TTC39A: variants seen among roughly 807,000 people sequenced by gnomAD.
TTC39A encodes the protein tetratricopeptide repeat protein 39A.
Under a neutral mutation model 82.3 loss-of-function variants are expected in TTC39A, and 46 were observed. The observed-to-expected ratio is 0.56, with a 90% CI of 0.44 to 0.71. TTC39A has a LOEUF of 0.71. Ranked by LOEUF, TTC39A falls within the 30% of genes least tolerant of loss-of-function variation. The probability of loss-of-function intolerance (pLI) is 0.00; values close to 1 mark genes in which losing one functional copy is unlikely to be tolerated. For synonymous variants in TTC39A, 254 were observed against 275.2 expected, an observed-to-expected ratio of 0.92 and a Z score of 0.76; for missense variants, 543 against 712.9, an observed-to-expected ratio of 0.76 and a Z score of 2.71.
At chr1:51,339,380 C>T (rs1028500640) in intron 1 of TTC39A, among the ~76,000 whole-genome samples, 3 of 152,218 alleles carry the variant, frequency 2.0e-5, no homozygotes, top group Non-Finnish European at 4.4e-5. Flanking sequence ...TTCCGCACTG[C>T]TGATCACCTG....
At chr1:51,343,132 T>A in intron 1 of TTC39A, 3 of 448,954 alleles carry the variant, frequency 6.7e-6, no homozygotes, top group Non-Finnish European at 1.4e-5. Context: ...TCAGAAATCA[T>A]CCCATGTCCT....
intron 6 of TTC39A, among the ~76,000 whole-genome samples, chr1:51,306,419 A>G (rs1159051080): frequency 6.6e-6 from 1 of 152,048 alleles, no homozygotes; most frequent in East Asian, 1.9e-4. Context: ...GTGGCAGGGG[A>G]GCTGTTCTGT....
rs372846675 is a variant in TTC39A, at chr1:51,293,389, AAT to A, written c.1266+1000_1266+1001del. ...GCCTATGGTATATTTTAAACCATAA[AAT>A]ATTTTAAAACTTTAGAAATATTCAG... On this transcript the variant is annotated intron_variant, in intron 14 of 17. Coordinates refer to ENST00000680483, the MANE Select transcript of TTC39A (RefSeq NM_001297663.2). Among the ~76,000 whole-genome samples the A allele has an allele frequency of 2.0e-3, 311 of 152,302 alleles. 3 individuals carry two copies. Among genetic ancestry groups the A allele is most frequent in the African/African-American group, 7.2e-3 (301 of 41,566 alleles).
chr1:51,306,206 C>G (rs964805975), intron 6 of TTC39A, 130 bp from the exon 7 acceptor site: 3 of 695,392 alleles, frequency 4.3e-6, no homozygotes, highest in Non-Finnish European at 7.3e-6. Context: ...ATCCTGAGAG[C>G]TGGTATTTGA....
intron 6 of TTC39A, among the ~76,000 whole-genome samples, chr1:51,307,604 G>A (rs938914393): frequency 5.9e-5 from 9 of 151,998 alleles, no homozygotes; most frequent in South Asian, 2.1e-4. Context: ...GTGGGGTGGC[G>A]TATGTCTGTG....
intron 1 of TTC39A, among the ~76,000 whole-genome samples, chr1:51,338,841 G>A (rs926820965): frequency 1.1e-4 from 16 of 152,058 alleles, no homozygotes; most frequent in Non-Finnish European, 4.4e-5. Flanking sequence ...GACCTCAAGT[G>A]ATCCACCCGC....
Position 51,301,726 on chromosome 1 carries a change from C to T in TTC39A, c.899G>A (p.Arg300Gln), listed in dbSNP as rs773802039. 13 of 1,604,446 alleles carry T rather than the reference C, an allele frequency of 8.1e-6. No homozygotes were observed. The highest frequency in any genetic ancestry group is 8.0e-5 in the African/African-American group (6 of 74,800). ...VIKGNIDAAI[R>Q]RFEECCEAQQ... is the part of the protein sequence containing the mutation. ...GGCCTCACAGCACTCCTCGAAACGC[C>T]GGATGGCCTGCAGGCACCTTCTGGT... is the stretch of plus-strand genomic sequence containing the variant. Residue 300 changes from arginine (R) to glutamine (Q), a missense_variant, in exon 12 of 18, where the codon CGG (arginine) becomes CAG (glutamine). By Grantham distance (43) the Arg-to-Gln change is conservative. Coordinates refer to ENST00000680483, the MANE Select transcript of TTC39A (RefSeq NM_001297663.2).
chr1:51,325,364 C>T (rs1366860337), intron 1 of TTC39A, among the ~76,000 whole-genome samples: 1 of 152,174 alleles, frequency 6.6e-6, no homozygotes, highest in East Asian at 1.9e-4. Flanking sequence ...TAAAAGGCCC[C>T]ACCTGATGTG....
intron 1 of TTC39A, among the ~76,000 whole-genome samples, chr1:51,337,609 T>G (rs1645990838): frequency 6.6e-6 from 1 of 151,906 alleles, no homozygotes; most frequent in African/African-American, 2.4e-5. Context: ...GTATTTTTAG[T>G]AGAGACTGGA....
Position 51,344,966 on chromosome 1 carries a change from C to T in TTC39A, c.53+25G>A, listed in dbSNP as rs879090813. Reference sequence around the variant, plus strand: ...CCCTTGGTCCCGTCCGCGCCTTCCGCCGAGTCCCCACCCCTGCCCGGTACC... The same window carrying T: ...CCCTTGGTCCCGTCCGCGCCTTCCGTCGAGTCCCCACCCCTGCCCGGTACC... On this transcript the variant is annotated intron_variant, in intron 1 of 5. Transcript: ENST00000401051. 5 of 1,526,836 alleles carry T rather than the reference C, an allele frequency of 3.3e-6. No homozygotes were observed. The South Asian group carries it at 6.1e-5, about 19-fold the overall frequency. 94.6% of individuals were successfully genotyped at this position (1,526,836 alleles called of 1,614,324 possible).
chr1:51,303,756 T>C (rs1328551153), intron 8 of TTC39A, among the ~76,000 whole-genome samples: 1 of 152,170 alleles, frequency 6.6e-6, no homozygotes, highest in Non-Finnish European at 1.5e-5. Flanking sequence ...AAACCCTCCA[T>C]GGCTCCCCTG....
chr1:51,318,163 C>T (rs1046499306), intron 2 of TTC39A, among the ~76,000 whole-genome samples: 1 of 152,144 alleles, frequency 6.6e-6, no homozygotes, highest in African/African-American at 2.4e-5. Context: ...GAGAAAGGTG[C>T]CTGATGTGTC....
upstream of TTC39A, among the ~76,000 whole-genome samples, chr1:51,334,443 C>T (rs773881809): frequency 1.3e-5 from 2 of 151,990 alleles, no homozygotes; most frequent in Admixed American, 6.5e-5. Flanking sequence ...GCGGAGGTTG[C>T]GGTGAACCAA....
intron 9 of TTC39A, 62 bp downstream of exon 9, chr1:51,303,022 C>T (rs780543256): frequency 1.7e-5 from 24 of 1,435,138 alleles, no homozygotes; most frequent in South Asian, 2.5e-5. Flanking sequence ...TGTAGCCCCT[C>T]GTTCTCCTTC....
Position 51,324,682 on chromosome 1 carries a change from C to T in TTC39A, c.42-2857G>A, listed in dbSNP as rs567028450. Among the ~76,000 whole-genome samples, 6 of 151,886 alleles carry T rather than the reference C, an allele frequency of 4.0e-5. No individual in the cohort carries two copies. In the East Asian group the frequency reaches 5.9e-4, roughly 15 times the overall value. On this transcript the variant is annotated intron_variant, in intron 1 of 17. Coordinates refer to ENST00000680483, the MANE Select transcript of TTC39A (RefSeq NM_001297663.2). ...GATGACAGGTGCCCACCACCATGCCCGACTAATTTTTTTGTATTTTCAGTA... is the reference window on the plus strand; with the variant it reads ...GATGACAGGTGCCCACCACCATGCCTGACTAATTTTTTTGTATTTTCAGTA...
chr1:51,288,380 T>G lies in TTC39A; in HGVS notation c.1611-100A>C. ...TGAGCCCCGCGAGCCAAGGAAGGAT[T>G]GTAGAGAAATTAATGTGTCCAGAGA... On this transcript the variant is annotated intron_variant, in intron 17 of 17. Transcript: ENST00000680483. The surrounding 1 kb of genome is among the most constrained non-coding windows in gnomAD (Gnocchi z 4.8). The G allele has an allele frequency of 3.2e-6, 5 of 1,565,098 alleles. No homozygotes were observed. The highest frequency in any genetic ancestry group is 4.3e-6 in the Non-Finnish European group (5 of 1,153,166).
Position 51,316,424 on chromosome 1 carries a change from C to A in TTC39A, c.147-3481G>T, listed in dbSNP as rs112430551. Among the ~76,000 whole-genome samples the A allele has an allele frequency of 4.8e-3, 738 of 152,286 alleles. 4 individuals are homozygous for A. The highest frequency in any genetic ancestry group is 0.016 in the African/African-American group (678 of 41,552). ...CTGTCCCCTCTTCCTGACTGCTTAG[C>A]CTAGTGTCCTCATACCAGTCTCTCT... On this transcript the variant is annotated intron_variant, in intron 2 of 17. Transcript: ENST00000680483.
intron 1 of TTC39A, among the ~76,000 whole-genome samples, chr1:51,327,845 C>T (rs1241274103): frequency 6.6e-6 from 1 of 151,904 alleles, no homozygotes; most frequent in Non-Finnish European, 1.5e-5. Flanking sequence ...TACAGGTGTG[C>T]ACCACCATGC....
At chr1:51,320,360 G>A (rs912468933) in intron 2 of TTC39A, among the ~76,000 whole-genome samples, 1 of 150,824 alleles carries the variant, frequency 6.6e-6, no homozygotes, top group Non-Finnish European at 1.5e-5. Flanking sequence ...CAAAGGTATA[G>A]TAAGGTAAAT....
Sources: allele counts gnomAD v4.1 joint callset (sites outside exome capture counted in the v4.1 genomes callset), GRCh38; gene constraint gnomAD v4.1.1; non-coding constraint Gnocchi (gnomAD v3.1); transcripts MANE v1.5; gene names NCBI Gene and HGNC (gene_info 2026-07-23, HGNC 2026-07-21).